The following FREM1 variants were observed in gnomAD, a reference collection of about 807,000 sequenced individuals.
The protein encoded by FREM1 is FRAS1 related extracellular matrix 1, also known as FRAS1-related extracellular matrix protein 1.
Under a neutral mutation model 210.1 loss-of-function variants are expected in FREM1, and 220 were observed. That is an observed-to-expected ratio of 1.05 (90% CI 0.94 to 1.17). The LOEUF (loss-of-function observed/expected upper bound fraction) is 1.17, where lower values mean the gene tolerates loss of function less well. Ranked by LOEUF, FREM1 falls within the 50% of genes most tolerant of loss-of-function variation. The pLI, the probability that FREM1 is intolerant of heterozygous loss-of-function variation, is 0.00. For missense variants in FREM1, 3,454 were observed against 2,675.5 expected (o/e 1.29, Z -6.42); for synonymous variants, 1,189 against 980.2 (o/e 1.21, Z -3.98).
At chr9:14,754,560 A>G (rs1478656539) in intron 29 of FREM1, among the ~76,000 whole-genome samples, 1 of 152,144 alleles carries the variant, frequency 6.6e-6, no homozygotes, top group Non-Finnish European at 1.5e-5. Flanking sequence ...GAACTAGGGT[A>G]ATTACAGGTG....
At chr9:14,810,766 ATAATTGCAACT>A (rs1563983095) in intron 16 of FREM1, among the ~76,000 whole-genome samples, 1 of 152,238 alleles carries the variant, frequency 6.6e-6, no homozygotes, top group Non-Finnish European at 1.5e-5. Context: ...ATGTTACAAC[ATAATTGCAACT>A]ATGTTAAAAT....
intron 10 of FREM1, among the ~76,000 whole-genome samples, chr9:14,840,916 G>T (rs1234710072): frequency 6.6e-6 from 1 of 152,164 alleles, no homozygotes; most frequent in Non-Finnish European, 1.5e-5. Context: ...GATCTTTAAA[G>T]ACAACAATAA....
intron 22 of FREM1, chr9:14,790,597 TG>T (rs1268760908): frequency 6.6e-6 from 1 of 152,122 alleles, no homozygotes; most frequent in African/African-American, 2.4e-5. Flanking sequence ...CACTCCAAAA[TG>T]TAAGACTGAC....
At chr9:14,899,975 A>G (rs1290808518) in intron 1 of FREM1, among the ~76,000 whole-genome samples, 1 of 152,218 alleles carries the variant, frequency 6.6e-6, no homozygotes, top group Non-Finnish European at 1.5e-5. Flanking sequence ...ACAGACCATA[A>G]CGTGAACGGT....
chr9:14,823,968 T>C (rs1158516955), intron 12 of FREM1, 57 bp downstream of exon 12: 2 of 1,058,062 alleles, frequency 1.9e-6, no homozygotes, highest in Non-Finnish European at 2.8e-6. Context: ...AGGCATGCCA[T>C]ACCTTCTAAG....
intron 10 of FREM1, among the ~76,000 whole-genome samples, chr9:14,830,169 A>T (rs1454171373): frequency 1.3e-5 from 2 of 152,216 alleles, no homozygotes; most frequent in African/African-American, 4.8e-5. Flanking sequence ...GAAATCAAAG[A>T]ATCAGGGCAG....
intron 35 of FREM1, among the ~76,000 whole-genome samples, chr9:14,745,126 G>A (rs1842189308): frequency 6.6e-6 from 1 of 152,164 alleles, no homozygotes; most frequent in Non-Finnish European, 1.5e-5. Context: ...TTTGGAAAGT[G>A]AGAGGAGGAA....
Position 14,842,393 on chromosome 9 carries a change from T to C in FREM1, c.1661A>G (p.Asp554Gly), listed in dbSNP as rs1350079409. ...TGTGATATTGAAGAAGATGTAGTCA[T>C]CACTGGCGTCCACATCTGAAGCTCG... is the stretch of plus-strand genomic sequence containing the variant. The part of the protein sequence containing the change: ...MLRASDVDAS[D>G]DYIFFNITKP... Residue 554 changes from aspartate (D) to glycine (G), a missense_variant, in exon 9 of 37, where the codon GAT (aspartate) becomes GGT (glycine). Asp to Gly is a moderately conservative substitution (Grantham distance 94, BLOSUM62 -1). Coordinates refer to ENST00000380880, the MANE Select transcript of FREM1 (RefSeq NM_001379081.2). 6.2e-7 allele frequency: 1 copy of C among 1,613,610 alleles called. No homozygotes were observed. The highest frequency in any genetic ancestry group is 1.1e-5 in the South Asian group (1 of 91,072).
chr9:14,863,658 G>C, intron 3 of FREM1, 151 bp downstream of exon 3: 1 of 573,664 alleles, frequency 1.7e-6, no homozygotes, highest in East Asian at 2.8e-5. Flanking sequence ...AATCTTGCCT[G>C]ATCCACTCAG....
intron 22 of FREM1, among the ~76,000 whole-genome samples, chr9:14,792,106 G>A (rs1176910615): frequency 1.3e-5 from 2 of 152,300 alleles, no homozygotes; most frequent in South Asian, 4.2e-4. Context: ...GCCTCCCAAA[G>A]TGCTGGGATT....
chr9:14,758,303 C>T (rs528002296), intron 28 of FREM1, among the ~76,000 whole-genome samples: 32 of 152,282 alleles, frequency 2.1e-4, no homozygotes, highest in African/African-American at 5.5e-4. Flanking sequence ...TAACACCATG[C>T]CTCTTCTTTC....
intron 10 of FREM1, among the ~76,000 whole-genome samples, chr9:14,831,919 G>T (rs969583723): frequency 1.3e-5 from 2 of 152,158 alleles, no homozygotes. Flanking sequence ...CAAGAGCGAC[G>T]GACAGAGAAT....
chr9:14,801,755 G>A lies in FREM1; in HGVS notation c.3591C>T (p.Ile1197=), dbSNP rs201200414. ...AGAAGTCTTTGCTAAACCCCCTATCGATGAGGAGGCCATGGCGTGGCTTTT... is the reference window on the plus strand; with the variant it reads ...AGAAGTCTTTGCTAAACCCCCTATCAATGAGGAGGCCATGGCGTGGCTTTT... ...ITQKPRHGLL[I]DRGFSKDFSE... is the part of the protein sequence containing the mutation. The change falls in exon 20 of 37, where the codon ATC becomes ATT. Residue 1197 remains isoleucine, a synonymous_variant. Transcript: ENST00000380880. 3.6e-5 allele frequency: 58 copies of A among 1,613,784 alleles called. No individual in the cohort carries two copies. Among genetic ancestry groups the A allele is most frequent in the South Asian group, 2.0e-4 (18 of 91,066 alleles).
rs1411131000 is a variant in FREM1, at chr9:14,824,830, T to C, written c.2044A>G (p.Ile682Val). The change falls in exon 11 of 37, where the codon ATA becomes GTA. Residue 682 changes from isoleucine (I) to valine (V), a missense_variant. Coordinates refer to ENST00000380880, the MANE Select transcript of FREM1 (RefSeq NM_001379081.2). Reference sequence around the variant, plus strand: ...AAGGAGAAAAATGGAGGAGTAGTTATTGTGTAGACCAGCTCCCTGTCATAT... The same window carrying C: ...AAGGAGAAAAATGGAGGAGTAGTTACTGTGTAGACCAGCTCCCTGTCATAT... ...ESYDRELVYTITTPPFFSFSH... is the reference protein window; with the variant it reads ...ESYDRELVYTVTTPPFFSFSH... The C allele has an allele frequency of 8.7e-6, 14 of 1,612,866 alleles. No individual in the cohort carries two copies. The highest frequency in any genetic ancestry group is 5.3e-5 in the African/African-American group (4 of 74,928).
intron 25 of FREM1, among the ~76,000 whole-genome samples, chr9:14,772,106 T>TA (rs200024248): frequency 0.021 from 3,090 of 150,200 alleles, 118 homozygotes; most frequent in African/African-American, 0.071. Flanking sequence ...GCAAGATTCT[T>TA]AAAAAAAAAC....
At chr9:14,835,926 A>G (rs1198536178) in intron 10 of FREM1, among the ~76,000 whole-genome samples, 1 of 152,212 alleles carries the variant, frequency 6.6e-6, no homozygotes, top group African/African-American at 2.4e-5. Context: ...TTTTAGACGA[A>G]CCCTGCTTAT....
At chr9:14,749,209 G>C (rs929662276) in intron 30 of FREM1, among the ~76,000 whole-genome samples, 2 of 152,082 alleles carry the variant, frequency 1.3e-5, no homozygotes, top group Admixed American at 6.5e-5. Context: ...CCCTTGTCTG[G>C]GTATTTTATA....
chr9:14,900,567 T>C (rs4741443), intron 1 of FREM1, among the ~76,000 whole-genome samples: 102,928 of 151,650 alleles, frequency 0.68, 35,278 homozygotes, highest in Non-Finnish European at 0.74. Flanking sequence ...CCCAGTGTGG[T>C]GGTGGTTGGT....
rs1206542000 is a variant in FREM1 at position 14,859,448 on chromosome 9, G to C, written c.366C>G (p.Ile122Met). Residue 122 changes from isoleucine (I) to methionine (M), a missense_variant, in exon 4 of 37, where the codon ATC becomes ATG. By Grantham distance (10) the Ile-to-Met change is conservative. Coordinates refer to ENST00000380880, the MANE Select transcript of FREM1 (RefSeq NM_001379081.2). ...TERDTFIETF[I>M]LWVYLLEPDC... ...CTGGTTCCAGGAGATAGACCCACAG[G>C]ATAAAAGTTTCTATGAAGGTATCTC... 2 of 1,613,432 alleles carry C rather than the reference G, an allele frequency of 1.2e-6. No individual in the cohort carries two copies. Among genetic ancestry groups the C allele is most frequent in the Admixed American group, 1.7e-5 (1 of 59,936 alleles).
Sources: gnomAD v4.1 joint callset for allele counts (sites outside exome capture counted in the v4.1 genomes callset) on GRCh38, gnomAD v4.1.1 for gene constraint, MANE v1.5 for transcripts, NCBI Gene and HGNC (gene_info 2026-07-23, HGNC 2026-07-21) for gene names.